The following SPG7 variants were observed in gnomAD, a reference collection of about 807,000 sequenced individuals.
SPG7 encodes the protein mitochondrial inner membrane m-AAA protease component paraplegin.
SPG7 carries 103 observed loss-of-function variants against 81.9 expected under a neutral mutation model. The observed-to-expected ratio is 1.26, with a 90% CI of 1.07 to 1.48. The LOEUF (loss-of-function observed/expected upper bound fraction) is 1.48, where lower values mean the gene tolerates loss of function less well. Among genes scored for constraint, SPG7 ranks in the 40% most tolerant of loss-of-function variants. SPG7 has a pLI of 0.00. For missense variants in SPG7, 1,241 were observed against 1,087.3 expected, an observed-to-expected ratio of 1.14 and a Z score of -1.99; for synonymous variants, 534 against 444.2, an observed-to-expected ratio of 1.20 and a Z score of -2.54.
chr16:89,553,843 G>A lies in SPG7; in HGVS notation c.1986G>A (p.Val662=). The change falls in exon 15 of 17, where the codon GTG becomes GTA. Residue 662 remains valine (V), a synonymous_variant. Transcript: ENST00000645818. ...TCACCCGCATCGCCTACTCCATGGTGAAGCAGTTTGGGATGGCACCTGGCA... is the reference window on the plus strand; with the variant it reads ...TCACCCGCATCGCCTACTCCATGGTAAAGCAGTTTGGGATGGCACCTGGCA... The part of the protein sequence containing the change: ...RKVTRIAYSM[V]KQFGMAPGIG... 1 of 1,613,572 alleles carries A rather than the reference G, an allele frequency of 6.2e-7. No homozygotes were observed. Among genetic ancestry groups the A allele is most frequent in the South Asian group, 1.1e-5 (1 of 91,088 alleles).
intron 3 of SPG7, among the ~76,000 whole-genome samples, chr16:89,514,125 T>A (rs1038143224): frequency 3.3e-5 from 5 of 152,128 alleles, no homozygotes; most frequent in African/African-American, 1.2e-4. Context: ...GGATTCAGTT[T>A]AGGCGTTTCT....
At chr16:89,524,498 C>CAGTG (rs1453392553) in intron 4 of SPG7, among the ~76,000 whole-genome samples, 2 of 152,184 alleles carry the variant, frequency 1.3e-5, no homozygotes, top group Admixed American at 6.5e-5. Context: ...GGCTGAAGCG[C>CAGTG]AGTGATGTGA....
chr16:89,551,968 C>T (rs2058638616), intron 13 of SPG7: 2 of 152,216 alleles, frequency 1.3e-5, no homozygotes, highest in Admixed American at 1.3e-4. Flanking sequence ...GAGTCTCTTT[C>T]CCAAGGCTCA....
In SPG7 at chr16:89,531,935, A is replaced by C. The variant is rs750205945; in HGVS notation, c.1019A>C (p.Lys340Thr). The part of the protein sequence containing the change: ...SPERFLQLGA[K>T]VPKGALLLGP... Reference sequence around the variant, plus strand: ...GAACGCTTCCTCCAGCTTGGCGCCAAGGTCCCAAAGGGCGCACTGCTGCTC... The same window carrying C: ...GAACGCTTCCTCCAGCTTGGCGCCACGGTCCCAAAGGGCGCACTGCTGCTC... The change falls in exon 8 of 17, where the codon AAG becomes ACG. Residue 340 changes from lysine to threonine, a missense_variant. Lys to Thr is a moderately conservative substitution (Grantham distance 78). Coordinates refer to ENST00000645818, the MANE Select transcript of SPG7 (RefSeq NM_003119.4). 2 of 1,614,144 alleles carry C rather than the reference A, an allele frequency of 1.2e-6. No homozygotes were observed. Among genetic ancestry groups the C allele is most frequent in the Non-Finnish European group, 1.7e-6 (2 of 1,179,974 alleles).
intron 9 of SPG7, chr16:89,543,340 C>T (rs1419968024): frequency 3.4e-5 from 4 of 119,212 alleles, no homozygotes; most frequent in Admixed American, 1.6e-4. Context: ...TTATTGTGGA[C>T]CTTTTCCTTT....
chr16:89,523,852 A>T (rs548574899), intron 3 of SPG7, 154 bp from the exon 4 acceptor site: 2 of 986,852 alleles, frequency 2.0e-6, no homozygotes, highest in Non-Finnish European at 3.1e-6. Flanking sequence ...TTTGTCTCTG[A>T]TAACGTCAGG....
intron 16 of SPG7, 97 bp downstream of exon 16, chr16:89,554,660 CAG>C (rs1188692927): frequency 6.3e-6 from 5 of 794,230 alleles, no homozygotes; most frequent in Non-Finnish European, 1.1e-5. Context: ...CCAAGGCACA[CAG>C]AGTACAGAGA....
intron 9 of SPG7, chr16:89,541,429 G>A: frequency 1.4e-6 from 1 of 720,652 alleles, no homozygotes; most frequent in Non-Finnish European, 1.7e-6. Context: ...TGGAGAACGG[G>A]TTACTGGTTG....
chr16:89,522,101 A>G (rs2058195789), intron 3 of SPG7: 1 of 152,270 alleles, frequency 6.6e-6, no homozygotes, highest in African/African-American at 2.4e-5. Flanking sequence ...CTCTGAAATA[A>G]GCGGTGGGCT....
At position 89,532,430 on chromosome 16, in the gene SPG7, G is replaced by C. The variant is rs550974639; in HGVS notation, c.1151-33G>C. On this transcript the variant is annotated intron_variant, in intron 8 of 16. Transcript: ENST00000645818. ...GAAGAGGCTTTGTTTTTTATTAACTGCCCATTTCCTGATTCTCTCTGTGTC... is the reference window on the plus strand; with the variant it reads ...GAAGAGGCTTTGTTTTTTATTAACTCCCCATTTCCTGATTCTCTCTGTGTC... The C allele has an allele frequency of 1.1e-5, 17 of 1,611,696 alleles. No homozygotes were observed. The African/African-American group carries it at 1.9e-4, about 18-fold the overall frequency.
chr16:89,515,817 C>A (rs1444399616), intron 3 of SPG7, among the ~76,000 whole-genome samples: 1 of 151,634 alleles, frequency 6.6e-6, no homozygotes, highest in South Asian at 2.1e-4. Context: ...AGGCGATTCT[C>A]CTGCCTCAGC....
chr16:89,556,833 G>T, intron 16 of SPG7, 54 bp from the exon 17 acceptor site: 1 of 1,394,764 alleles, frequency 7.2e-7, no homozygotes, highest in South Asian at 1.2e-5. Context: ...CCAGGACATA[G>T]AGATGCTCTG....
chr16:89,530,711 T>C lies in SPG7; in HGVS notation c.890T>C (p.Ile297Thr), dbSNP rs2058329801. Residue 297 changes from isoleucine (I) to threonine (T), a missense_variant, in exon 7 of 17, where the codon ATT (isoleucine) becomes ACT (threonine). Coordinates refer to ENST00000645818, the MANE Select transcript of SPG7 (RefSeq NM_003119.4). ...CAGCTTAAAATGGCTCGTTTCACCA[T>C]TGTGGATGGGAAGATGGGGAAAGGA... Reference protein sequence around the residue: ...FNQLKMARFTIVDGKMGKGVS... With the variant: ...FNQLKMARFTTVDGKMGKGVS... 1 of 1,613,924 alleles carries C rather than the reference T, an allele frequency of 6.2e-7. No homozygotes were observed. The highest frequency in any genetic ancestry group is 8.5e-7 in the Non-Finnish European group (1 of 1,180,000).
In SPG7 at chr16:89,555,699, C is replaced by G. The variant is rs7199775; in HGVS notation, c.2181+1136C>G. On this transcript the variant is annotated intron_variant, in intron 16 of 16. Transcript: ENST00000645818. Reference sequence around the variant, plus strand: ...TGTTTTGTAGGACGTTCCTCAGTTGCGATTGTCTGATGTGTTTCTCACAGT... The same window carrying G: ...TGTTTTGTAGGACGTTCCTCAGTTGGGATTGTCTGATGTGTTTCTCACAGT... 1,896 of 396,488 alleles carry G rather than the reference C, an allele frequency of 4.8e-3. 31 individuals are homozygous for G. The highest frequency in any genetic ancestry group is 0.036 in the African/African-American group (1,748 of 48,690). The allele number at this position is 396,488 out of a possible 1,614,324, so 24.6% of individuals were successfully genotyped here. A position where few individuals can be genotyped will look rare whatever the true frequency, so the allele number is the denominator to read the frequency against.
rs199804717 is a variant in SPG7 at position 89,550,601 on chromosome 16, G to A, written c.1771G>A (p.Val591Met). 2.7e-5 allele frequency: 43 copies of A among 1,611,718 alleles called. No individual in the cohort carries two copies. The highest frequency in any genetic ancestry group is 6.7e-5 in the Admixed American group (4 of 60,032). The change falls in exon 13 of 17, where the codon GTG becomes ATG. Residue 591 changes from valine to methionine, a missense_variant. Physicochemically the swap from Val to Met is conservative, Grantham distance 21. Coordinates refer to ENST00000645818, the MANE Select transcript of SPG7 (RefSeq NM_003119.4). Reference protein sequence around the residue: ...VGWMLEHTEAVMKVSITPRTN... With the variant: ...VGWMLEHTEAMMKVSITPRTN... Reference sequence around the variant, plus strand: ...CTGGATGCTGGAGCACACGGAGGCCGTGATGAAGGTGGGTCTTGGCAGGTG... The same window carrying A: ...CTGGATGCTGGAGCACACGGAGGCCATGATGAAGGTGGGTCTTGGCAGGTG...
intron 11 of SPG7, 188 bp downstream of exon 11, chr16:89,546,948 A>G (rs1405797148): frequency 9.9e-6 from 6 of 606,818 alleles, no homozygotes; most frequent in African/African-American, 7.3e-5. Flanking sequence ...CGGCACCCGC[A>G]CTCCGTCCTC....
At chr16:89,550,345 C>A in intron 12 of SPG7, 149 bp from the exon 13 acceptor site, 1 of 668,354 alleles carries the variant, frequency 1.5e-6, no homozygotes, top group Non-Finnish European at 2.7e-6. Flanking sequence ...GCTAATTTTT[C>A]TATTTTTAGT....
At chr16:89,536,823 C>G in intron 9 of SPG7, 1 of 1,614,138 alleles carries the variant, frequency 6.2e-7, no homozygotes, top group African/African-American at 1.3e-5. Context: ...GAGGAAAGAC[C>G]CCCGCCTGCT....
chr16:89,541,451 G>A (rs1045443109), intron 9 of SPG7: 1 of 545,964 alleles, frequency 1.8e-6, no homozygotes, highest in Non-Finnish European at 2.3e-6. Flanking sequence ...CAGCAGTTAG[G>A]GGAGGTCTCC....
Sources: allele counts gnomAD v4.1 joint callset (sites outside exome capture counted in the v4.1 genomes callset), GRCh38; gene constraint gnomAD v4.1.1; transcripts MANE v1.5; gene names NCBI Gene and HGNC (gene_info 2026-07-23, HGNC 2026-07-21).